WWOX: variants seen among roughly 807,000 people sequenced by gnomAD.
WWOX encodes the protein WW domain-containing oxidoreductase.
Under a neutral mutation model 46.2 loss-of-function variants are expected in WWOX, and 69 were observed. The observed-to-expected ratio is 1.49, with a 90% CI of 1.23 to 1.82. The LOEUF (loss-of-function observed/expected upper bound fraction) is 1.82, where lower values mean the gene tolerates loss of function less well. Ranked by LOEUF, WWOX falls within the 40% of genes most tolerant of loss-of-function variation. The pLI is 0.00. For synonymous variants in WWOX, 359 were observed against 202.6 expected, an observed-to-expected ratio of 1.77 and a Z score of -6.56; for missense variants, 919 against 542.6, an observed-to-expected ratio of 1.69 and a Z score of -6.89.
intron 8 of WWOX, among the ~76,000 whole-genome samples, chr16:78,710,954 A>G (rs955798110): frequency 6.6e-6 from 1 of 151,952 alleles, no homozygotes; most frequent in Non-Finnish European, 1.5e-5. Flanking sequence ...TTCTTTTCAC[A>G]TTTTGTTTTG....
chr16:79,192,258 A>G (rs1452365627), intron 8 of WWOX, among the ~76,000 whole-genome samples: 3 of 152,154 alleles, frequency 2.0e-5, no homozygotes, highest in Non-Finnish European at 4.4e-5. Context: ...TTTGGCGTGA[A>G]ATGGGGCAGA....
chr16:79,155,503 A>G (rs2050363994), intron 8 of WWOX, among the ~76,000 whole-genome samples: 1 of 151,994 alleles, frequency 6.6e-6, no homozygotes. Flanking sequence ...TCATTTTAAA[A>G]TGTAGAAATC....
At chr16:78,377,054 A>G (rs765828111) in intron 5 of WWOX, among the ~76,000 whole-genome samples, 2 of 152,238 alleles carry the variant, frequency 1.3e-5, no homozygotes, top group Non-Finnish European at 2.9e-5. Context: ...GAGGTGGGGC[A>G]CTGATTTTTC....
intron 6 of WWOX, among the ~76,000 whole-genome samples, chr16:78,418,862 C>T (rs975723001): frequency 2.6e-5 from 4 of 152,010 alleles, no homozygotes; most frequent in African/African-American, 9.7e-5. Flanking sequence ...AGATTGAGTA[C>T]CGTCCCCTTA....
rs533274398 is a variant in WWOX, at chr16:78,413,951, T to A, written c.606-10919T>A. The stretch of plus-strand genomic sequence containing the variant: ...AACCCCTGTGACCTGCACATATACA[T>A]CCAGATGGCCTGAAGCAACTGAAGA... On this transcript the variant is annotated intron_variant, in intron 6 of 8. Transcript: ENST00000566780. Among the ~76,000 whole-genome samples, 15 of 151,296 alleles carry A rather than the reference T, an allele frequency of 9.9e-5. No homozygotes were observed. In the East Asian group the frequency reaches 3.1e-3, roughly 31 times the overall value.
intron 8 of WWOX, among the ~76,000 whole-genome samples, chr16:79,155,062 A>G (rs2050354127): frequency 2.0e-5 from 3 of 152,218 alleles, no homozygotes; most frequent in Admixed American, 2.0e-4. Context: ...TAGATTCTAC[A>G]GCAGGCACTG....
intron 4 of WWOX, among the ~76,000 whole-genome samples, chr16:78,141,862 G>GA (rs1365786790): frequency 2.0e-5 from 3 of 151,576 alleles, no homozygotes; most frequent in Non-Finnish European, 4.4e-5. Context: ...GCAGGTAATG[G>GA]AAAAAAAATT....
intron 8 of WWOX, among the ~76,000 whole-genome samples, chr16:78,881,218 G>T (rs2044337148): frequency 6.6e-6 from 1 of 151,882 alleles, no homozygotes; most frequent in African/African-American, 2.4e-5. Context: ...GCCCAGGCTG[G>T]TCTCAAAACT....
chr16:79,172,629 C>A (rs187219038), intron 8 of WWOX, among the ~76,000 whole-genome samples: 1 of 152,266 alleles, frequency 6.6e-6, no homozygotes, highest in East Asian at 1.9e-4. Context: ...CTGGTGATCT[C>A]ACTACCAATG....
intron 5 of WWOX, chr16:78,355,722 T>C (rs2081271871): frequency 2.7e-6 from 2 of 743,214 alleles, no homozygotes; most frequent in Non-Finnish European, 4.6e-6. Context: ...ACTATAGAAA[T>C]TGATGAGGAA....
At chr16:78,103,412 A>T (rs2031933122) in intron 1 of WWOX, among the ~76,000 whole-genome samples, 1 of 151,742 alleles carries the variant, frequency 6.6e-6, no homozygotes, top group Admixed American at 6.6e-5. Context: ...TATTGTATAC[A>T]CCAGCTGAGA....
At position 79,160,378 on chromosome 16, in the gene WWOX, A is replaced by C. The variant is rs574479429; in HGVS notation, c.1057-51230A>C. Among the ~76,000 whole-genome samples the C allele has an allele frequency of 2.0e-5, 3 of 152,276 alleles. No homozygotes were observed. The South Asian group carries it at 6.2e-4, about 32-fold the overall frequency. On this transcript the variant is annotated intron_variant, in intron 8 of 8. Coordinates refer to ENST00000566780, the MANE Select transcript of WWOX (RefSeq NM_016373.4). ...TTGCTACCTAGTCCCGGCTCCACCT[A>C]CTGTCACCTGCATTCCCCTAGACAA...
At chr16:78,169,529 C>G (rs953171942) in intron 5 of WWOX, among the ~76,000 whole-genome samples, 2 of 151,972 alleles carry the variant, frequency 1.3e-5, no homozygotes, top group Admixed American at 1.3e-4. Context: ...TCAAAACATA[C>G]TTCATGAACA....
At chr16:78,356,500 C>G (rs1208290238) in intron 5 of WWOX, among the ~76,000 whole-genome samples, 1 of 152,108 alleles carries the variant, frequency 6.6e-6, no homozygotes, top group African/African-American at 2.4e-5. Context: ...GTCGCCTACC[C>G]TAGACCTCAT....
chr16:78,490,351 G>T (rs1334149895), intron 8 of WWOX, among the ~76,000 whole-genome samples: 2 of 152,054 alleles, frequency 1.3e-5, no homozygotes, highest in Non-Finnish European at 2.9e-5. Context: ...ATTTTAAAGG[G>T]ACCTCATGTG....
At chr16:79,207,393 A>C (rs2051551687) in intron 8 of WWOX, among the ~76,000 whole-genome samples, 1 of 152,254 alleles carries the variant, frequency 6.6e-6, no homozygotes, top group Non-Finnish European at 1.5e-5. Context: ...GACGTTAGTC[A>C]TGGGAACACT....
At chr16:78,159,710 G>T (rs2034725705) in intron 4 of WWOX, among the ~76,000 whole-genome samples, 2 of 92,912 alleles carry the variant, frequency 2.2e-5, no homozygotes, top group Admixed American at 1.2e-4. Context: ...TTGGGTTTTA[G>T]GAGTTCCTTA....
chr16:78,656,399 G>C (rs563788189), intron 8 of WWOX, among the ~76,000 whole-genome samples: 1 of 152,314 alleles, frequency 6.6e-6, no homozygotes, highest in East Asian at 1.9e-4. Flanking sequence ...AAGAAAAGAG[G>C]TTTAATTGGC....
chr16:78,862,030 C>G (rs1482728395), intron 8 of WWOX, among the ~76,000 whole-genome samples: 2 of 149,718 alleles, frequency 1.3e-5, no homozygotes, highest in African/African-American at 4.9e-5. Flanking sequence ...GATATAGATA[C>G]ACACATGTAT....
Sources: allele counts gnomAD v4.1 joint callset (sites outside exome capture counted in the v4.1 genomes callset), GRCh38; gene constraint gnomAD v4.1.1; transcripts MANE v1.5; gene names NCBI Gene and HGNC (gene_info 2026-07-23, HGNC 2026-07-21).